GSTCD: variants seen among roughly 807,000 people sequenced by gnomAD.
GSTCD encodes the protein glutathione S-transferase C-terminal domain-containing protein.
Under a neutral mutation model 68.3 loss-of-function variants are expected in GSTCD, and 44 were observed. That is an observed-to-expected ratio of 0.64 (90% CI 0.51 to 0.83). The LOEUF (loss-of-function observed/expected upper bound fraction) is 0.83, where lower values mean the gene tolerates loss of function less well. GSTCD is among the 40% of genes least tolerant of loss of function. The pLI, the probability that GSTCD is intolerant of heterozygous loss-of-function variation, is 0.00. For synonymous variants in GSTCD, 273 were observed against 255.2 expected, an observed-to-expected ratio of 1.07 and a Z score of -0.67; for missense variants, 739 against 735.9, an observed-to-expected ratio of 1.00 and a Z score of -0.05.
rs113883533 is a variant in GSTCD, at chr4:105,837,925, A to G, written c.1695+36A>G. ...AAAGATCTAGATATCATCCTAATACACTTTTTATCCTTTATATTTTTCCCT... is the reference window on the plus strand; with the variant it reads ...AAAGATCTAGATATCATCCTAATACGCTTTTTATCCTTTATATTTTTCCCT... On this transcript the variant is annotated intron_variant, in intron 10 of 11. Coordinates refer to ENST00000515279, the MANE Select transcript of GSTCD (RefSeq NM_001370181.1). 5,288 of 853,914 alleles carry G rather than the reference A, an allele frequency of 6.2e-3. 184 individuals are homozygous for G. The African/African-American group carries it at 0.078, about 13-fold the overall frequency. 52.9% of individuals were successfully genotyped at this position (853,914 alleles called of 1,614,324 possible).
rs199647332 is a variant in GSTCD at position 105,714,637 on chromosome 4, A to ATT, written c.-21-2946_-21-2945dup. ...AGGGAGACATTATTCAAGGAGAGTA[A>ATT]TTTTTTTTTTTATTCTAAGATCATT... On this transcript the variant is annotated intron_variant, in intron 1 of 11. Coordinates refer to ENST00000515279, the MANE Select transcript of GSTCD (RefSeq NM_001370181.1). 5.4e-3 allele frequency among the ~76,000 whole-genome samples: 806 copies of ATT among 148,746 alleles called. 4 individuals are homozygous for ATT. Among genetic ancestry groups the ATT allele is most frequent in the African/African-American group, 0.018 (752 of 40,836 alleles).
chr4:105,753,568 A>G (rs1250076032), intron 5 of GSTCD, among the ~76,000 whole-genome samples: 2 of 152,062 alleles, frequency 1.3e-5, no homozygotes, highest in Non-Finnish European at 1.5e-5. Flanking sequence ...TAGCATTTAC[A>G]TTGTATTAGG....
chr4:105,721,043 C>G (rs1356178183), intron 3 of GSTCD, among the ~76,000 whole-genome samples: 4 of 151,608 alleles, frequency 2.6e-5, no homozygotes, highest in Admixed American at 2.0e-4. Context: ...GTAATCGCAG[C>G]TCACTGCAAC....
At position 105,781,709 on chromosome 4, in the gene GSTCD, G is replaced by T. The variant is rs79480427; in HGVS notation, c.1241-41245G>T. Among the ~76,000 whole-genome samples the T allele has an allele frequency of 8.5e-3, 1,290 of 151,758 alleles. 20 individuals carry two copies. The highest frequency in any genetic ancestry group is 0.029 in the African/African-American group (1,216 of 41,442). On this transcript the variant is annotated intron_variant, in intron 5 of 11. Coordinates refer to ENST00000515279, the MANE Select transcript of GSTCD (RefSeq NM_001370181.1). The stretch of plus-strand genomic sequence containing the variant: ...AGAATTAAAACACAAATATATTTTT[G>T]ATAAGATTTTTAAAAATAAAATCTA...
chr4:105,841,633 C>T (rs1402819314), intron 10 of GSTCD, among the ~76,000 whole-genome samples: 9 of 151,372 alleles, frequency 5.9e-5, no homozygotes, highest in Non-Finnish European at 1.2e-4. Flanking sequence ...GCCAGGAGTC[C>T]GAGACCAGCC....
At chr4:105,817,960 A>G (rs1331981013) in intron 5 of GSTCD, among the ~76,000 whole-genome samples, 17 of 151,946 alleles carry the variant, frequency 1.1e-4, no homozygotes. Flanking sequence ...CTTGAAATGC[A>G]GTTTGTCATA....
At chr4:105,809,550 T>C (rs972802213) in intron 5 of GSTCD, among the ~76,000 whole-genome samples, 30 of 152,230 alleles carry the variant, frequency 2.0e-4, no homozygotes, top group African/African-American at 7.2e-4. Context: ...TTTTTCTTTT[T>C]AACCCCTAAT....
intron 5 of GSTCD, among the ~76,000 whole-genome samples, chr4:105,817,520 G>C (rs557046682): frequency 6.6e-6 from 1 of 151,984 alleles, no homozygotes; most frequent in African/African-American, 2.4e-5. Context: ...TGTATCCACT[G>C]TTACAAGAAA....
chr4:105,730,893 T>G (rs1733213639), intron 5 of GSTCD, among the ~76,000 whole-genome samples: 1 of 152,232 alleles, frequency 6.6e-6, no homozygotes, highest in African/African-American at 2.4e-5. Context: ...ATTTAAGTCT[T>G]CAATCCATCT....
intron 5 of GSTCD, among the ~76,000 whole-genome samples, chr4:105,803,699 GA>G (rs993428956): frequency 2.3e-4 from 34 of 146,502 alleles, no homozygotes; most frequent in African/African-American, 7.2e-4. Flanking sequence ...TAAGAGTAGT[GA>G]AAAAAAAAAT....
chr4:105,780,119 G>A (rs540202766), intron 5 of GSTCD, among the ~76,000 whole-genome samples: 246 of 152,194 alleles, frequency 1.6e-3, no homozygotes, highest in African/African-American at 5.4e-3. Context: ...TTAACAAGAG[G>A]AACACAAAAT....
intron 5 of GSTCD, among the ~76,000 whole-genome samples, chr4:105,742,960 T>C (rs1456704219): frequency 1.3e-5 from 2 of 151,280 alleles, no homozygotes; most frequent in Non-Finnish European, 1.5e-5. Context: ...CTCTTTTTTT[T>C]TTTTTTTGAG....
chr4:105,733,235 G>A (rs935128067), intron 5 of GSTCD, among the ~76,000 whole-genome samples: 12 of 152,070 alleles, frequency 7.9e-5, no homozygotes, highest in African/African-American at 2.9e-4. Flanking sequence ...TCAATTCCTG[G>A]CTATCCTTGT....
intron 2 of GSTCD, 71 bp downstream of exon 2, chr4:105,718,110 T>C: frequency 8.4e-7 from 1 of 1,193,558 alleles, no homozygotes; most frequent in African/African-American, 1.5e-5. Context: ...CCATTTAATA[T>C]TTTAACTTCC....
chr4:105,836,236 C>T (rs961289744), intron 9 of GSTCD, among the ~76,000 whole-genome samples: 12 of 152,172 alleles, frequency 7.9e-5, no homozygotes, highest in African/African-American at 2.7e-4. Flanking sequence ...AGCTTCTCTC[C>T]GCAGGCAGGT....
intron 5 of GSTCD, among the ~76,000 whole-genome samples, chr4:105,799,074 G>T (rs1461466009): frequency 6.6e-6 from 1 of 152,136 alleles, no homozygotes; most frequent in African/African-American, 2.4e-5. Flanking sequence ...ATGTCATGGA[G>T]ATATCTCCTT....
At chr4:105,783,012 A>C (rs144504637) in intron 5 of GSTCD, among the ~76,000 whole-genome samples, 5 of 152,328 alleles carry the variant, frequency 3.3e-5, no homozygotes, top group Non-Finnish European at 7.4e-5. Flanking sequence ...ATGCTGGAAC[A>C]CAAGTTCATT....
chr4:105,836,568 C>T (rs1297510662), intron 9 of GSTCD, among the ~76,000 whole-genome samples: 3 of 152,098 alleles, frequency 2.0e-5, no homozygotes, highest in Non-Finnish European at 4.4e-5. Flanking sequence ...GTCAAGCTGC[C>T]CTCAGTACCC....
Position 105,729,438 on chromosome 4 carries a change from C to T in GSTCD, c.1179C>T (p.His393=), listed in dbSNP as rs1733153385. ...GCATTGAAGTGATGTTTTCTCCCCACCCTTGCCCTACTTGGACTCTTGATT... is the reference window on the plus strand; with the variant it reads ...GCATTGAAGTGATGTTTTCTCCCCATCCTTGCCCTACTTGGACTCTTGATT... The part of the protein sequence containing the change: ...EKGIEVMFSP[H]PCPTWTLDWN... The change falls in exon 5 of 12, where the codon CAC becomes CAT. Residue 393 remains histidine, a synonymous_variant. Coordinates refer to ENST00000515279, the MANE Select transcript of GSTCD (RefSeq NM_001370181.1). 2 of 1,611,596 alleles carry T rather than the reference C, an allele frequency of 1.2e-6. No individual in the cohort carries two copies. Among genetic ancestry groups the T allele is most frequent in the East Asian group, 2.2e-5 (1 of 44,792 alleles).
Sources: gnomAD v4.1 joint callset for allele counts (sites outside exome capture counted in the v4.1 genomes callset) on GRCh38, gnomAD v4.1.1 for gene constraint, MANE v1.5 for transcripts, NCBI Gene and HGNC (gene_info 2026-07-23, HGNC 2026-07-21) for gene names.